Variants in MTREX observed in about 807,000 individuals in gnomAD.
The protein encoded by MTREX is exosome RNA helicase MTR4.
In MTREX, 76 loss-of-function variants were observed where a neutral mutation model predicts 135.4. That is an observed-to-expected ratio of 0.56 (90% CI 0.47 to 0.68). The LOEUF (loss-of-function observed/expected upper bound fraction) is 0.68. MTREX is among the 30% of genes least tolerant of loss of function. The probability of loss-of-function intolerance (pLI) is 0.00; values close to 1 mark genes in which losing one functional copy is unlikely to be tolerated. For missense variants in MTREX, 920 were observed against 1,262.1 expected (o/e 0.73, Z 4.11); for synonymous variants, 404 against 401.6 (o/e 1.01, Z -0.07).
intron 15 of MTREX, among the ~76,000 whole-genome samples, chr5:55,365,436 A>G (rs1750086553): frequency 6.6e-6 from 1 of 152,130 alleles, no homozygotes; most frequent in African/African-American, 2.4e-5. Context: ...ACAGATGAGA[A>G]GTCTCCCCTT....
At chr5:55,399,246 GTGCAAA>G (rs1750687812) in intron 20 of MTREX, among the ~76,000 whole-genome samples, 1 of 152,126 alleles carries the variant, frequency 6.6e-6, no homozygotes, top group Admixed American at 6.5e-5. Context: ...AGGACATAAT[GTGCAAA>G]TGTCTTTGAA....
intron 25 of MTREX, among the ~76,000 whole-genome samples, chr5:55,416,455 C>A (rs1450700621): frequency 1.3e-5 from 2 of 151,910 alleles, no homozygotes; most frequent in Non-Finnish European, 2.9e-5. Flanking sequence ...CACTTTTGTT[C>A]TCCTGGTGAG....
chr5:55,409,143 G>C (rs1378179358), intron 22 of MTREX, among the ~76,000 whole-genome samples: 1 of 151,968 alleles, frequency 6.6e-6, no homozygotes, highest in Non-Finnish European at 1.5e-5. Context: ...TGTAGAGACA[G>C]GGTTTTGCCA....
intron 3 of MTREX, 78 bp downstream of exon 3, chr5:55,324,276 A>G: frequency 2.0e-6 from 2 of 1,009,020 alleles, no homozygotes; most frequent in Non-Finnish European, 3.0e-6. Flanking sequence ...ATGATCAGCA[A>G]ACAGTTTAGC....
chr5:55,372,892 ATGTGTGTGTGTGTG>A (rs59026723), intron 16 of MTREX, among the ~76,000 whole-genome samples: 64 of 120,990 alleles, frequency 5.3e-4, no homozygotes, highest in Middle Eastern at 4.0e-3. Flanking sequence ...TAAAACTGTA[ATGTGTGTGTGTGTG>A]TGTGTGTGTG....
At chr5:55,409,161 A>G (rs1327022244) in intron 22 of MTREX, among the ~76,000 whole-genome samples, 2 of 152,038 alleles carry the variant, frequency 1.3e-5, no homozygotes, top group Non-Finnish European at 2.9e-5. Context: ...CCATGTTGCT[A>G]GGCTAGTCTT....
rs1338729171 is a variant in MTREX, at chr5:55,405,556, G to A, written c.2613G>A (p.Glu871=). Residue 871 remains glutamate, a synonymous_variant, in exon 22 of 27, where the codon GAG becomes GAA. Transcript: ENST00000230640. ...TTGCTACTTCTTCTGATGTAATAGAGATGAAAGGACGAGTGGCTTGTGAGA... is the reference window on the plus strand; with the variant it reads ...TTGCTACTTCTTCTGATGTAATAGAAATGAAAGGACGAGTGGCTTGTGAGA... The part of the protein sequence containing the change: ...LGFATSSDVI[E]MKGRVACEIS... 1 of 1,613,196 alleles carries A rather than the reference G, an allele frequency of 6.2e-7. No homozygotes were observed. Among genetic ancestry groups the A allele is most frequent in the Non-Finnish European group, 8.5e-7 (1 of 1,179,534 alleles).
At chr5:55,331,908 T>C (rs1251641740) in intron 5 of MTREX, among the ~76,000 whole-genome samples, 23 of 152,236 alleles carry the variant, frequency 1.5e-4, no homozygotes, top group Admixed American at 1.5e-3. Flanking sequence ...TATTTATCAT[T>C]GTTTCAGGTG....
chr5:55,355,478 G>A (rs185639577), intron 14 of MTREX, among the ~76,000 whole-genome samples: 21 of 152,324 alleles, frequency 1.4e-4, no homozygotes, highest in African/African-American at 5.1e-4. Flanking sequence ...GGACATCCAA[G>A]GGGGAAAGGG....
At chr5:55,422,553 C>T (rs1751071131) in intron 25 of MTREX, among the ~76,000 whole-genome samples, 1 of 152,316 alleles carries the variant, frequency 6.6e-6, no homozygotes, top group Non-Finnish European at 1.5e-5. Context: ...CTGAGAGATA[C>T]TGCCTGGTTC....
chr5:55,312,541 T>C (rs1749131635), intron 1 of MTREX, among the ~76,000 whole-genome samples: 1 of 152,174 alleles, frequency 6.6e-6, no homozygotes, highest in Non-Finnish European at 1.5e-5. Flanking sequence ...GCCACCTATC[T>C]AGAACTTATA....
chr5:55,419,418 G>T (rs571056930), intron 25 of MTREX, among the ~76,000 whole-genome samples: 27 of 152,310 alleles, frequency 1.8e-4, no homozygotes, highest in Middle Eastern at 3.4e-3. Context: ...CCATGTGTTT[G>T]GGGGATGTGT....
chr5:55,401,344 T>G (rs1278786955), intron 21 of MTREX, among the ~76,000 whole-genome samples: 1 of 152,216 alleles, frequency 6.6e-6, no homozygotes, highest in Non-Finnish European at 1.5e-5. Context: ...CTGGCTAAAT[T>G]ATATTTTGTT....
At chr5:55,399,483 A>ATTTTTTAT (rs1158536399) in intron 20 of MTREX, among the ~76,000 whole-genome samples, 5 of 151,998 alleles carry the variant, frequency 3.3e-5, no homozygotes, top group Non-Finnish European at 7.4e-5. Context: ...AGGACCTTTT[A>ATTTTTTAT]TTTTTTATTT....
chr5:55,392,978 T>G (rs1446282015), intron 19 of MTREX, among the ~76,000 whole-genome samples: 2 of 152,196 alleles, frequency 1.3e-5, no homozygotes, highest in East Asian at 3.8e-4. Flanking sequence ...AACAGCCTTG[T>G]GAATGGAGTC....
chr5:55,424,918 AT>A lies in MTREX; in HGVS notation c.*148del. 1.5e-6 allele frequency: 1 copy of A among 651,850 alleles called. No individual in the cohort carries two copies. Among genetic ancestry groups the A allele is most frequent in the Non-Finnish European group, 2.6e-6 (1 of 380,042 alleles). 40.4% of individuals were successfully genotyped at this position (651,850 alleles called of 1,614,324 possible). On this transcript the variant is annotated 3_prime_UTR_variant, in exon 27 of 27. Transcript: ENST00000230640. ...ATCAAACATCATTCATAGAAAGCAT[AT>A]TACATACATGTTTATACATAAGCAT...
Position 55,322,454 on chromosome 5 carries a change from G to A in MTREX, c.262G>A (p.Glu88Lys). Residue 88 changes from glutamate to lysine, a missense_variant, in exon 2 of 27, where the codon GAA (glutamate) becomes AAA (lysine). Glu to Lys is a moderately conservative substitution (Grantham distance 56). This residue lies in a region of MTREX where 136 missense variants were observed against 126.7 expected (regional missense o/e 1.07). Transcript: ENST00000230640. ...KKPRIEESIT[E>K]DLSLADLMPR... ...GCCCAGGATAGAAGAGTCAATAACT[G>A]AAGACTTAAGGTAATATTTCCAAAG... 6.3e-7 allele frequency: 1 copy of A among 1,583,744 alleles called. No individual in the cohort carries two copies. The highest frequency in any genetic ancestry group is 1.7e-4 in the Middle Eastern group (1 of 5,948).
intron 15 of MTREX, among the ~76,000 whole-genome samples, chr5:55,361,732 A>C (rs940135257): frequency 3.4e-5 from 5 of 148,948 alleles, no homozygotes; most frequent in African/African-American, 1.2e-4. Flanking sequence ...TGCTGGGATT[A>C]CAGGCGTGAG....
chr5:55,362,240 G>C (rs147540399), intron 15 of MTREX, among the ~76,000 whole-genome samples: 2 of 151,602 alleles, frequency 1.3e-5, no homozygotes, highest in Non-Finnish European at 1.5e-5. Context: ...CTGGCTTGGC[G>C]AATTTTTAAA....
Sources: gnomAD v4.1 joint callset for allele counts (sites outside exome capture counted in the v4.1 genomes callset) on GRCh38, gnomAD v4.1.1 for gene constraint, gnomAD v4.1.1 regional missense constraint, MANE v1.5 for transcripts, NCBI Gene and HGNC (gene_info 2026-07-23, HGNC 2026-07-21) for gene names.